Variants in RABGAP1L observed in about 807,000 individuals in gnomAD.
RABGAP1L encodes rab GTPase-activating protein 1-like.
RABGAP1L carries 63 observed loss-of-function variants against 137.7 expected under a neutral mutation model. The ratio of observed to expected loss-of-function variants is 0.46; its 90% CI spans 0.37 to 0.56. The LOEUF is 0.56. Among genes scored for constraint, RABGAP1L ranks in the 20% least tolerant of loss-of-function variants. The pLI, the probability that RABGAP1L is intolerant of heterozygous loss-of-function variation, is 0.00. For synonymous variants in RABGAP1L, 431 were observed against 433.7 expected (o/e 0.99, Z 0.08); for missense variants, 1,095 against 1,244.0 (o/e 0.88, Z 1.80).
chr1:174,682,339 CAT>C (rs914034463), intron 14 of RABGAP1L, among the ~76,000 whole-genome samples: 19 of 151,456 alleles, frequency 1.3e-4, no homozygotes, highest in African/African-American at 4.4e-4. Context: ...CACACACACA[CAT>C]ACATCACAAC....
intron 14 of RABGAP1L, among the ~76,000 whole-genome samples, chr1:174,643,918 T>G (rs6703290): frequency 0.11 from 12,385 of 116,394 alleles, 641 homozygotes; most frequent in East Asian, 0.36. Context: ...TATATAGGGG[T>G]GTGTGTGTGT....
intron 11 of RABGAP1L, among the ~76,000 whole-genome samples, chr1:174,361,006 A>C (rs1684091814): frequency 6.6e-6 from 1 of 152,072 alleles, no homozygotes; most frequent in Non-Finnish European, 1.5e-5. Context: ...AAATACAAAA[A>C]ATTAGCTGGG....
intron 13 of RABGAP1L, among the ~76,000 whole-genome samples, chr1:174,503,713 C>T (rs1661557194): frequency 6.7e-6 from 1 of 148,496 alleles, no homozygotes; most frequent in Non-Finnish European, 1.5e-5. Flanking sequence ...GTGTTCTATG[C>T]AGTAATAAGG....
At chr1:174,608,051 A>G in intron 13 of RABGAP1L, among the ~76,000 whole-genome samples, 1 of 152,278 alleles carries the variant, frequency 6.6e-6, no homozygotes, top group Non-Finnish European at 1.5e-5. Flanking sequence ...CTGCCTTACA[A>G]TGGATTTTAT....
chr1:174,354,945 A>G (rs1683494806), intron 11 of RABGAP1L, among the ~76,000 whole-genome samples: 1 of 152,148 alleles, frequency 6.6e-6, no homozygotes, highest in Admixed American at 6.5e-5. Context: ...TCTTTTTGTC[A>G]GGTTTGTCAA....
At chr1:174,981,340 C>T (rs755379604) in intron 23 of RABGAP1L, among the ~76,000 whole-genome samples, 1 of 152,214 alleles carries the variant, frequency 6.6e-6, no homozygotes, top group South Asian at 2.1e-4. Context: ...TCAGTCAATA[C>T]CGTCCTACTA....
chr1:174,886,140 G>A (rs1462314137), intron 19 of RABGAP1L, among the ~76,000 whole-genome samples: 1 of 151,604 alleles, frequency 6.6e-6, no homozygotes, highest in Non-Finnish European at 1.5e-5. Flanking sequence ...CAGCCTATGG[G>A]TAGCTGGGAT....
chr1:174,908,776 T>C (rs1224069572), intron 19 of RABGAP1L, among the ~76,000 whole-genome samples: 3 of 150,324 alleles, frequency 2.0e-5, no homozygotes, highest in Non-Finnish European at 4.4e-5. Flanking sequence ...CTCCCGAACC[T>C]CAGGTGATCT....
chr1:174,502,979 A>G (rs1661463980), intron 13 of RABGAP1L, among the ~76,000 whole-genome samples: 1 of 152,160 alleles, frequency 6.6e-6, no homozygotes, highest in Admixed American at 6.5e-5. Context: ...ATGTAGTAGA[A>G]GAGAGTGTGT....
At chr1:174,506,072 G>A (rs928116063) in intron 13 of RABGAP1L, among the ~76,000 whole-genome samples, 10 of 152,202 alleles carry the variant, frequency 6.6e-5, no homozygotes, top group South Asian at 2.1e-4. Flanking sequence ...GATCTCTTAC[G>A]TGCAATCTAA....
chr1:174,605,012 A>G (rs1181244435), intron 13 of RABGAP1L, among the ~76,000 whole-genome samples: 1 of 152,136 alleles, frequency 6.6e-6, no homozygotes, highest in African/African-American at 2.4e-5. Context: ...GTGGTGGCAC[A>G]TACCTGTAAT....
chr1:174,260,750 C>T (rs565164877), intron 7 of RABGAP1L, among the ~76,000 whole-genome samples: 1 of 152,120 alleles, frequency 6.6e-6, no homozygotes, highest in African/African-American at 2.4e-5. Context: ...TTAAAATACA[C>T]TATTACTAGC....
chr1:174,232,567 A>G (rs1670762272), intron 4 of RABGAP1L, among the ~76,000 whole-genome samples: 1 of 151,842 alleles, frequency 6.6e-6, no homozygotes, highest in Non-Finnish European at 1.5e-5. Context: ...GTGGATCACG[A>G]GGTCAGGAGA....
intron 13 of RABGAP1L, chr1:174,548,603 G>A: frequency 2.1e-6 from 2 of 957,936 alleles, no homozygotes; most frequent in Non-Finnish European, 2.5e-6. Flanking sequence ...ACAGAAATTT[G>A]CAGAGGGCTT....
Position 174,756,183 on chromosome 1 carries a change from C to G in RABGAP1L, c.2211+3829C>G, listed in dbSNP as rs1487361416. 3.3e-5 allele frequency among the ~76,000 whole-genome samples: 5 copies of G among 152,106 alleles called. No individual in the cohort carries two copies. In the East Asian group the frequency reaches 9.6e-4, roughly 29 times the overall value. ...ATTTATTTTGAGGCAGAGTCTGGTTCTGTTGCCCAGGCTGCAGAGCGGTGG... is the reference window on the plus strand; with the variant it reads ...ATTTATTTTGAGGCAGAGTCTGGTTGTGTTGCCCAGGCTGCAGAGCGGTGG... On this transcript the variant is annotated intron_variant, in intron 18 of 25. Coordinates refer to ENST00000681986, the MANE Select transcript of RABGAP1L (RefSeq NM_001366446.1).
At chr1:174,971,442 C>T (rs1223191691) in intron 21 of RABGAP1L, among the ~76,000 whole-genome samples, 1 of 152,072 alleles carries the variant, frequency 6.6e-6, no homozygotes, top group Non-Finnish European at 1.5e-5. Flanking sequence ...AGTGCTAGAA[C>T]AGCCCCTGAA....
At chr1:174,368,596 G>A (rs1684843914) in intron 11 of RABGAP1L, among the ~76,000 whole-genome samples, 1 of 151,970 alleles carries the variant, frequency 6.6e-6, no homozygotes, top group African/African-American at 2.4e-5. Flanking sequence ...TACATATTGT[G>A]ACCTGTACTG....
chr1:174,676,825 A>G (rs1240455497), intron 14 of RABGAP1L, among the ~76,000 whole-genome samples: 1 of 152,174 alleles, frequency 6.6e-6, no homozygotes, highest in East Asian at 1.9e-4. Flanking sequence ...GTTACATAAA[A>G]TAGAATTTTT....
At chr1:174,530,330 G>A (rs1317614087) in intron 13 of RABGAP1L, among the ~76,000 whole-genome samples, 2 of 152,132 alleles carry the variant, frequency 1.3e-5, no homozygotes, top group Non-Finnish European at 2.9e-5. Context: ...TTGGGTTCCA[G>A]GACAGTACAT....
Sources: allele counts gnomAD v4.1 joint callset (sites outside exome capture counted in the v4.1 genomes callset), GRCh38; gene constraint gnomAD v4.1.1; transcripts MANE v1.5; gene names NCBI Gene and HGNC (gene_info 2026-07-23, HGNC 2026-07-21).